CNTN5: variants seen among roughly 807,000 people sequenced by gnomAD.
The protein encoded by CNTN5 is contactin 5, also known as contactin-5.
Under a neutral mutation model 129.1 loss-of-function variants are expected in CNTN5, and 77 were observed. That is an observed-to-expected ratio of 0.60 (90% CI 0.50 to 0.72). The LOEUF is 0.72. Among genes scored for constraint, CNTN5 ranks in the 30% least tolerant of loss-of-function variants. CNTN5 has a pLI of 0.00. For missense variants in CNTN5, 1,478 were observed against 1,328.8 expected, an observed-to-expected ratio of 1.11 and a Z score of -1.75; for synonymous variants, 509 against 465.6, an observed-to-expected ratio of 1.09 and a Z score of -1.20.
At chr11:99,653,860 T>C (rs1167564184) in intron 3 of CNTN5, among the ~76,000 whole-genome samples, 2 of 152,048 alleles carry the variant, frequency 1.3e-5, no homozygotes, top group Non-Finnish European at 2.9e-5. Context: ...GAATTTTTTT[T>C]AATGATTTCT....
At chr11:100,285,612 A>G (rs1950764426) in intron 18 of CNTN5, among the ~76,000 whole-genome samples, 1 of 152,244 alleles carries the variant, frequency 6.6e-6, no homozygotes, top group Non-Finnish European at 1.5e-5. Flanking sequence ...AGACTATGCT[A>G]ACACATTTTT....
intron 21 of CNTN5, among the ~76,000 whole-genome samples, chr11:100,334,845 A>T (rs1364478274): frequency 1.3e-5 from 2 of 152,138 alleles, no homozygotes; most frequent in Non-Finnish European, 2.9e-5. Context: ...CTTGGGTGAT[A>T]GGTGCACCAA....
intron 2 of CNTN5, among the ~76,000 whole-genome samples, chr11:99,497,645 T>C (rs1946276697): frequency 2.0e-5 from 3 of 152,180 alleles, no homozygotes; most frequent in Admixed American, 2.0e-4. Flanking sequence ...CAACTCAATA[T>C]ATAATCCTAA....
At chr11:100,264,343 G>A (rs1364094278) in intron 17 of CNTN5, among the ~76,000 whole-genome samples, 1 of 151,926 alleles carries the variant, frequency 6.6e-6, no homozygotes, top group East Asian at 1.9e-4. Flanking sequence ...TAGGTTTTAA[G>A]CCCCACATGC....
At chr11:100,114,697 G>A (rs894680207) in intron 13 of CNTN5, among the ~76,000 whole-genome samples, 1 of 151,744 alleles carries the variant, frequency 6.6e-6, no homozygotes, top group African/African-American at 2.4e-5. Flanking sequence ...GCTCTCTTTT[G>A]AATAGTTAGA....
chr11:99,543,090 C>A (rs1948168924), intron 2 of CNTN5, among the ~76,000 whole-genome samples: 4 of 152,018 alleles, frequency 2.6e-5, no homozygotes, highest in Admixed American at 1.3e-4. Flanking sequence ...TATATATATT[C>A]CTGGAATAGA....
At chr11:99,663,672 T>C (rs1328466348) in intron 3 of CNTN5, among the ~76,000 whole-genome samples, 1 of 152,122 alleles carries the variant, frequency 6.6e-6, no homozygotes, top group East Asian at 1.9e-4. Context: ...CAAGATCTGA[T>C]GGTTCTATAA....
intron 6 of CNTN5, among the ~76,000 whole-genome samples, chr11:99,850,503 C>A (rs1017769206): frequency 2.0e-5 from 3 of 152,196 alleles, no homozygotes; most frequent in African/African-American, 7.2e-5. Context: ...TTTAAAGTTT[C>A]ATTTCTATTC....
chr11:100,152,404 G>C (rs552750029), intron 13 of CNTN5, among the ~76,000 whole-genome samples: 2 of 151,958 alleles, frequency 1.3e-5, no homozygotes, highest in African/African-American at 4.8e-5. Context: ...TCTAATTCAC[G>C]TACTGCCAAA....
intron 6 of CNTN5, among the ~76,000 whole-genome samples, chr11:99,904,768 A>G (rs1049314068): frequency 2.0e-5 from 3 of 152,186 alleles, no homozygotes; most frequent in Admixed American, 2.0e-4. Flanking sequence ...ACAGTGTAAA[A>G]GCATTCCAAT....
intron 3 of CNTN5, among the ~76,000 whole-genome samples, chr11:99,620,508 C>CTTT (rs71050006): frequency 5.6e-5 from 6 of 107,020 alleles, no homozygotes; most frequent in East Asian, 2.9e-4. Flanking sequence ...TTTTTCTTTT[C>CTTT]TTTTTTTTTT....
chr11:99,385,022 G>A (rs1411935457), intron 2 of CNTN5, among the ~76,000 whole-genome samples: 1 of 151,936 alleles, frequency 6.6e-6, no homozygotes, highest in Non-Finnish European at 1.5e-5. Flanking sequence ...GTTTACTATT[G>A]GGCAGATAAT....
At chr11:99,186,787 TA>T (rs1182204896) in intron 1 of CNTN5, among the ~76,000 whole-genome samples, 1 of 151,986 alleles carries the variant, frequency 6.6e-6, no homozygotes, top group Non-Finnish European at 1.5e-5. Flanking sequence ...CAGGGATACC[TA>T]AAAGTATTAC....
chr11:99,275,823 T>G (rs1863401028), intron 1 of CNTN5, among the ~76,000 whole-genome samples: 1 of 151,714 alleles, frequency 6.6e-6, no homozygotes. Context: ...AGTCTCAGAC[T>G]GGCATGATAT....
At chr11:100,340,416 C>A in intron 21 of CNTN5, 47 bp from the exon 22 acceptor site, 1 of 1,430,540 alleles carries the variant, frequency 7.0e-7, no homozygotes. Flanking sequence ...GCCACAAGCA[C>A]AGAGGAAGCT....
At chr11:99,279,626 A>C (rs1005036130) in intron 1 of CNTN5, among the ~76,000 whole-genome samples, 3 of 151,756 alleles carry the variant, frequency 2.0e-5, no homozygotes, top group African/African-American at 7.3e-5. Context: ...TCATTAAACC[A>C]TTCCATCATG....
chr11:99,155,416 C>T (rs1860284214), intron 1 of CNTN5, among the ~76,000 whole-genome samples: 2 of 152,128 alleles, frequency 1.3e-5, no homozygotes, highest in South Asian at 2.1e-4. Context: ...AAACAGATAA[C>T]ACAACTACAC....
At chr11:99,580,286 A>G (rs1949527611) in intron 3 of CNTN5, among the ~76,000 whole-genome samples, 1 of 152,114 alleles carries the variant, frequency 6.6e-6, no homozygotes, top group African/African-American at 2.4e-5. Context: ...TTGGTCTAAA[A>G]TTCTCTTTTT....
chr11:100,216,407 G>T (rs964060765), intron 15 of CNTN5, among the ~76,000 whole-genome samples: 1 of 151,916 alleles, frequency 6.6e-6, no homozygotes, highest in African/African-American at 2.4e-5. Context: ...CTCTAAATTA[G>T]AATAAAAAAG....
Sources: gnomAD v4.1 joint callset for allele counts (sites outside exome capture counted in the v4.1 genomes callset) on GRCh38, gnomAD v4.1.1 for gene constraint, MANE v1.5 for transcripts, NCBI Gene and HGNC (gene_info 2026-07-23, HGNC 2026-07-21) for gene names.